LRRC8B: variants seen among roughly 807,000 people sequenced by gnomAD.
The protein encoded by LRRC8B is leucine rich repeat containing 8 VRAC subunit B.
Under a neutral mutation model 58.8 loss-of-function variants are expected in LRRC8B, and 23 were observed. That is an observed-to-expected ratio of 0.39 (90% CI 0.28 to 0.55). The LOEUF (loss-of-function observed/expected upper bound fraction) is 0.55, where lower values mean the gene tolerates loss of function less well. Among genes scored for constraint, LRRC8B ranks in the 20% least tolerant of loss-of-function variants. The pLI is 0.62. For synonymous variants in LRRC8B, 359 were observed against 374.1 expected (o/e 0.96, Z 0.47); for missense variants, 694 against 936.0 (o/e 0.74, Z 3.37).
chr1:89,545,723 A>T (rs1651349682), intron 1 of LRRC8B, among the ~76,000 whole-genome samples: 1 of 152,242 alleles, frequency 6.6e-6, no homozygotes, highest in Non-Finnish European at 1.5e-5. Flanking sequence ...GTTCAACTTA[A>T]GAGTTAAGAA....
At chr1:89,550,822 T>C (rs950584745) in intron 1 of LRRC8B, among the ~76,000 whole-genome samples, 4 of 152,164 alleles carry the variant, frequency 2.6e-5, no homozygotes, top group Admixed American at 6.5e-5. Context: ...TGCTTCAGCA[T>C]TGAATGACTG....
chr1:89,592,288 A>T (rs1321894304), intron 5 of LRRC8B, among the ~76,000 whole-genome samples: 2 of 152,136 alleles, frequency 1.3e-5, no homozygotes, highest in African/African-American at 4.8e-5. Flanking sequence ...AGGCTTTTTT[A>T]AAAAAGAGAA....
intron 1 of LRRC8B, chr1:89,549,835 A>G (rs957210880): frequency 6.6e-6 from 1 of 152,174 alleles, no homozygotes. Flanking sequence ...TACCAAGTGC[A>G]GGTCTTTAAG....
chr1:89,558,161 C>T (rs1348703816), intron 1 of LRRC8B, among the ~76,000 whole-genome samples: 1 of 152,134 alleles, frequency 6.6e-6, no homozygotes, highest in Non-Finnish European at 1.5e-5. Context: ...CAGCGAGTCA[C>T]AGGGTGAAGC....
chr1:89,553,179 T>G (rs1034665870), intron 1 of LRRC8B, among the ~76,000 whole-genome samples: 1 of 152,240 alleles, frequency 6.6e-6, no homozygotes. Context: ...AAACACTCTT[T>G]AAAAATAATT....
chr1:89,559,195 G>A (rs532124593), intron 1 of LRRC8B, among the ~76,000 whole-genome samples: 17 of 152,150 alleles, frequency 1.1e-4, no homozygotes, highest in East Asian at 3.9e-4. Flanking sequence ...CAGAGGTGGC[G>A]GATGAAACCT....
chr1:89,567,798 G>C (rs1347699460), intron 1 of LRRC8B, among the ~76,000 whole-genome samples: 1 of 152,022 alleles, frequency 6.6e-6, no homozygotes, highest in Admixed American at 6.6e-5. Flanking sequence ...ATAAAAAAAG[G>C]AAAATTGAAA....
At chr1:89,554,698 G>A (rs1652053224) in intron 1 of LRRC8B, among the ~76,000 whole-genome samples, 1 of 152,110 alleles carries the variant, frequency 6.6e-6, no homozygotes. Flanking sequence ...GAGTCACAAA[G>A]TTGTTGCCTT....
At chr1:89,580,739 G>A (rs1654159501) in intron 4 of LRRC8B, among the ~76,000 whole-genome samples, 1 of 152,144 alleles carries the variant, frequency 6.6e-6, no homozygotes, top group Non-Finnish European at 1.5e-5. Flanking sequence ...GTAGGTCCTA[G>A]GAGGAAGGTG....
chr1:89,553,246 A>G (rs921205535), intron 1 of LRRC8B, among the ~76,000 whole-genome samples: 3 of 152,228 alleles, frequency 2.0e-5, no homozygotes, highest in Admixed American at 6.5e-5. Context: ...CATCTCTTCT[A>G]CAGAAGTGTT....
chr1:89,561,027 T>C (rs1652606637), intron 1 of LRRC8B, among the ~76,000 whole-genome samples: 1 of 149,616 alleles, frequency 6.7e-6, no homozygotes, highest in Non-Finnish European at 1.5e-5. Flanking sequence ...TTCCTATTTC[T>C]CCACATCCTC....
intron 1 of LRRC8B, among the ~76,000 whole-genome samples, chr1:89,528,178 C>T (rs1649841972): frequency 6.6e-6 from 1 of 152,176 alleles, no homozygotes; most frequent in African/African-American, 2.4e-5. Context: ...GGGCTCCATT[C>T]TGCAATGCCT....
At chr1:89,575,430 C>T (rs531306456) in intron 3 of LRRC8B, among the ~76,000 whole-genome samples, 2 of 152,278 alleles carry the variant, frequency 1.3e-5, no homozygotes, top group African/African-American at 4.8e-5. Flanking sequence ...GCAGTTAGCA[C>T]CAACTACCAG....
intron 1 of LRRC8B, among the ~76,000 whole-genome samples, chr1:89,534,292 T>C (rs1650358549): frequency 6.6e-6 from 1 of 152,244 alleles, no homozygotes; most frequent in African/African-American, 2.4e-5. Context: ...TAAAAATCAC[T>C]CTTTTAAATG....
Position 89,583,128 on chromosome 1 carries a change from T to G in LRRC8B, c.478T>G (p.Phe160Val), listed in dbSNP as rs1456326708. Residue 160 changes from phenylalanine to valine, a missense_variant, in exon 5 of 6, where the codon TTC (phenylalanine) becomes GTC (valine). This residue lies in a region of LRRC8B where 316 missense variants were observed against 403.8 expected (regional missense o/e 0.78). Coordinates refer to ENST00000330947, the MANE Select transcript of LRRC8B (RefSeq NM_001369817.2). The surrounding 1 kb of genome is among the most constrained non-coding windows in gnomAD (Gnocchi z 5.2). ...EHFVAILHKC[F>V]DSPWTTRALS... Reference sequence around the variant, plus strand: ...TTTTGTGGCCATCCTTCACAAGTGCTTCGATTCTCCATGGACCACCCGCGC... The same window carrying G: ...TTTTGTGGCCATCCTTCACAAGTGCGTCGATTCTCCATGGACCACCCGCGC... 1 of 1,614,182 alleles carries G rather than the reference T, an allele frequency of 6.2e-7. No individual in the cohort carries two copies. The highest frequency in any genetic ancestry group is 1.1e-5 in the South Asian group (1 of 91,084).
intron 1 of LRRC8B, among the ~76,000 whole-genome samples, chr1:89,533,390 C>A (rs1650283267): frequency 6.6e-6 from 1 of 152,174 alleles, no homozygotes; most frequent in Admixed American, 6.5e-5. Flanking sequence ...GCAGTCATAC[C>A]CCCATACACC....
At chr1:89,585,046 G>GT (rs1053585944) in intron 5 of LRRC8B, among the ~76,000 whole-genome samples, 2 of 151,996 alleles carry the variant, frequency 1.3e-5, no homozygotes, top group Admixed American at 6.5e-5. Flanking sequence ...TTTTCTCTTT[G>GT]TTTTTTTCCC....
chr1:89,577,883 G>A (rs969955590), intron 3 of LRRC8B, among the ~76,000 whole-genome samples: 1 of 151,442 alleles, frequency 6.6e-6, no homozygotes, highest in African/African-American at 2.4e-5. Context: ...GGGAAAGAGC[G>A]CTAATTAGCT....
chr1:89,594,542 A>C lies in LRRC8B; in HGVS notation c.*1499A>C, dbSNP rs1277913867. 6.6e-6 allele frequency: 1 copy of C among 152,164 alleles called. No homozygotes were observed. 9.4% of individuals were successfully genotyped at this position (152,164 alleles called of 1,614,324 possible). A position where few individuals can be genotyped will look rare whatever the true frequency, so the allele number is the denominator to read the frequency against. On this transcript the variant is annotated 3_prime_UTR_variant, in exon 6 of 6. Coordinates refer to ENST00000330947, the MANE Select transcript of LRRC8B (RefSeq NM_001369817.2). ...AGACTTTTTTTCCCTCCATCTATGT[A>C]ATCTCTAGCTATGATTATAATGTAA... is the stretch of plus-strand genomic sequence containing the variant.
Sources: gnomAD v4.1 joint callset for allele counts (sites outside exome capture counted in the v4.1 genomes callset) on GRCh38, gnomAD v4.1.1 for gene constraint, gnomAD v4.1.1 regional missense constraint, Gnocchi (gnomAD v3.1) non-coding constraint, MANE v1.5 for transcripts, NCBI Gene and HGNC (gene_info 2026-07-23, HGNC 2026-07-21) for gene names.